The following AGBL1 variants were observed in gnomAD, a reference collection of about 807,000 sequenced individuals.
AGBL1 encodes the protein cytosolic carboxypeptidase 4.
Under a neutral mutation model 118.9 loss-of-function variants are expected in AGBL1, and 130 were observed. The observed-to-expected ratio is 1.09, with a 90% confidence interval of 0.95 to 1.26. The LOEUF is 1.26. Ranked by LOEUF, AGBL1 falls within the 50% of genes most tolerant of loss-of-function variation. AGBL1 has a pLI of 0.00. For missense variants in AGBL1, 1,584 were observed against 1,298.1 expected (o/e 1.22, Z -3.38); for synonymous variants, 555 against 478.9 (o/e 1.16, Z -2.08).
At chr15:86,754,482 G>A (rs970063945) in intron 22 of AGBL1, among the ~76,000 whole-genome samples, 1 of 152,042 alleles carries the variant, frequency 6.6e-6, no homozygotes, top group Non-Finnish European at 1.5e-5. Context: ...TGAGAGTTGT[G>A]CATGGTTGGG....
At chr15:86,616,066 TTGGCTCACC>T (rs2084717019) in intron 21 of AGBL1, among the ~76,000 whole-genome samples, 1 of 152,000 alleles carries the variant, frequency 6.6e-6, no homozygotes, top group Admixed American at 6.6e-5. Flanking sequence ...GCCAGGAGTA[TTGGCTCACC>T]CCTGTAATCC....
intron 22 of AGBL1, among the ~76,000 whole-genome samples, chr15:86,798,870 A>G (rs1335383929): frequency 1.3e-5 from 2 of 151,772 alleles, no homozygotes; most frequent in Admixed American, 6.6e-5. Context: ...TTTGATTATT[A>G]TTGTTGGAAG....
intron 22 of AGBL1, among the ~76,000 whole-genome samples, chr15:86,740,687 T>C (rs1159029126): frequency 6.6e-6 from 1 of 152,142 alleles, no homozygotes; most frequent in African/African-American, 2.4e-5. Context: ...GGGAGCTGGG[T>C]AGACAGATGA....
chr15:86,135,194 G>A (rs930792904), intron 1 of AGBL1, among the ~76,000 whole-genome samples: 20 of 152,116 alleles, frequency 1.3e-4, no homozygotes, highest in African/African-American at 4.6e-4. Context: ...AAAAGGCCTG[G>A]CACTTCCCTT....
chr15:86,466,074 T>C (rs763291646), intron 18 of AGBL1, among the ~76,000 whole-genome samples: 3 of 152,220 alleles, frequency 2.0e-5, no homozygotes, highest in Non-Finnish European at 4.4e-5. Flanking sequence ...TCTTTATTTC[T>C]CAGACCGGCC....
intron 22 of AGBL1, among the ~76,000 whole-genome samples, chr15:86,693,342 C>T (rs2086204061): frequency 6.6e-6 from 1 of 152,068 alleles, no homozygotes; most frequent in Non-Finnish European, 1.5e-5. Context: ...TTGCATTTCC[C>T]TGATCATTAG....
intron 18 of AGBL1, among the ~76,000 whole-genome samples, chr15:86,486,825 A>G (rs2082718273): frequency 6.6e-6 from 1 of 151,874 alleles, no homozygotes; most frequent in South Asian, 2.1e-4. Flanking sequence ...ATCTACATGC[A>G]TTTGCCCTAC....
At chr15:86,419,062 T>C (rs1418794936) in intron 18 of AGBL1, among the ~76,000 whole-genome samples, 1 of 152,136 alleles carries the variant, frequency 6.6e-6, no homozygotes, top group Non-Finnish European at 1.5e-5. Flanking sequence ...TAGTGTGATA[T>C]GCTATCAAAG....
At chr15:86,980,593 A>G (rs962839364) in intron 23 of AGBL1, among the ~76,000 whole-genome samples, 2 of 152,166 alleles carry the variant, frequency 1.3e-5, no homozygotes, top group Non-Finnish European at 2.9e-5. Flanking sequence ...CAGCAGACAT[A>G]TTAGAGAGAT....
intron 10 of AGBL1, among the ~76,000 whole-genome samples, chr15:86,263,249 AC>A (rs1464205011): frequency 1.3e-5 from 2 of 152,200 alleles, no homozygotes; most frequent in Non-Finnish European, 2.9e-5. Flanking sequence ...GTTTAGACAC[AC>A]AAATCCCATT....
intron 18 of AGBL1, among the ~76,000 whole-genome samples, chr15:86,400,490 GTTT>G (rs11412401): frequency 7.0e-6 from 1 of 143,380 alleles, no homozygotes. Context: ...GGGGGAACAG[GTTT>G]TTTTTTTTTG....
intron 14 of AGBL1, 143 bp downstream of exon 14, chr15:86,270,210 G>A: frequency 2.6e-6 from 3 of 1,132,694 alleles, no homozygotes; most frequent in Non-Finnish European, 3.7e-6. Flanking sequence ...AGCAAGGCAG[G>A]CAGTGGCCCT....
intron 17 of AGBL1, among the ~76,000 whole-genome samples, chr15:86,297,577 G>A (rs1446569074): frequency 6.6e-6 from 1 of 152,184 alleles, no homozygotes; most frequent in Non-Finnish European, 1.5e-5. Flanking sequence ...AGTGGCAAAG[G>A]CCAGTGCCTT....
chr15:86,208,973 A>G (rs964571420), intron 5 of AGBL1, among the ~76,000 whole-genome samples: 14 of 152,122 alleles, frequency 9.2e-5, no homozygotes, highest in African/African-American at 2.9e-4. Flanking sequence ...ATTTCCCTCT[A>G]CAGACTGCTT....
chr15:86,735,569 C>G lies in AGBL1; in HGVS notation c.3158+61133C>G, dbSNP rs2077580341. 2.0e-5 allele frequency among the ~76,000 whole-genome samples: 3 copies of G among 150,500 alleles called. No homozygotes were observed. In the South Asian group the frequency reaches 6.3e-4, roughly 32 times the overall value. ...CAACTATTGCACATTTTACTACTAC[C>G]TTCTATTGTCTCTTTTGATATAGAG... is the stretch of plus-strand genomic sequence containing the variant. On this transcript the variant is annotated intron_variant, in intron 22 of 22. Coordinates refer to ENST00000614907, the MANE Select transcript of AGBL1 (RefSeq NM_001386094.1).
intron 22 of AGBL1, among the ~76,000 whole-genome samples, chr15:86,748,445 G>C (rs1033866037): frequency 7.4e-6 from 1 of 135,676 alleles, no homozygotes; most frequent in African/African-American, 2.7e-5. Context: ...AGTTCACTCT[G>C]ATGGTAGTTT....
At chr15:86,134,699 T>C (rs1397095588) in intron 1 of AGBL1, among the ~76,000 whole-genome samples, 1 of 141,570 alleles carries the variant, frequency 7.1e-6, no homozygotes, top group Non-Finnish European at 1.5e-5. Context: ...CTGTAACGTC[T>C]GCCACCCAGG....
intron 22 of AGBL1, among the ~76,000 whole-genome samples, chr15:86,812,108 G>T (rs139983872): frequency 2.0e-5 from 3 of 152,280 alleles, no homozygotes; most frequent in East Asian, 3.9e-4. Flanking sequence ...AAGACAAAAG[G>T]TCTCCTGATA....
At chr15:86,537,554 A>G (rs1381630894) in intron 19 of AGBL1, among the ~76,000 whole-genome samples, 3 of 152,232 alleles carry the variant, frequency 2.0e-5, no homozygotes. Context: ...TCATGGAGGG[A>G]TGGCTGGCCA....
Sources: allele counts gnomAD v4.1 joint callset (sites outside exome capture counted in the v4.1 genomes callset), GRCh38; gene constraint gnomAD v4.1.1; transcripts MANE v1.5; gene names NCBI Gene and HGNC (gene_info 2026-07-23, HGNC 2026-07-21).